Variants in MCHR2 observed in about 807,000 individuals in gnomAD.
The protein encoded by MCHR2 is melanin-concentrating hormone receptor 2.
Under a neutral mutation model 24.8 loss-of-function variants are expected in MCHR2, and 15 were observed. That is an observed-to-expected ratio of 0.60 (90% CI 0.40 to 0.93). MCHR2 has a LOEUF of 0.93. Ranked by LOEUF, MCHR2 falls within the 40% of genes least tolerant of loss-of-function variation. The pLI is 0.00. For missense variants in MCHR2, 386 were observed against 408.7 expected (o/e 0.94, Z 0.48); for synonymous variants, 151 against 147.6 (o/e 1.02, Z -0.17).
At position 99,918,924 on chromosome 6, in the gene MCHR2, G is replaced by A. The variant is rs1774169702; in HGVS notation, c.*2016C>T. On this transcript the variant is annotated 3_prime_UTR_variant, in exon 6 of 6. Transcript: ENST00000281806. ...GGACTGCTACTAGAAAAAGGTCTGT[G>A]GTTTAAAGCTAAGTCTTTAAAATCA... 6.6e-6 allele frequency among the ~76,000 whole-genome samples: 1 copy of A among 152,012 alleles called. No homozygotes were observed. Among genetic ancestry groups the A allele is most frequent in the African/African-American group, 2.4e-5 (1 of 41,380 alleles).
chr6:99,924,847 G>A (rs931055936), intron 5 of MCHR2, among the ~76,000 whole-genome samples: 2 of 152,092 alleles, frequency 1.3e-5, no homozygotes, highest in Non-Finnish European at 2.9e-5. Context: ...AATGATCCAT[G>A]TGCTGAGGAA....
At chr6:99,971,564 C>G (rs1011821793) in intron 1 of MCHR2, among the ~76,000 whole-genome samples, 1 of 152,134 alleles carries the variant, frequency 6.6e-6, no homozygotes, top group African/African-American at 2.4e-5. Context: ...CCTTCTCCTG[C>G]CTCATTGCCC....
In MCHR2 at chr6:99,919,441, G is replaced by C. The variant is rs1774181249; in HGVS notation, c.*1499C>G. On this transcript the variant is annotated 3_prime_UTR_variant, in exon 6 of 6. Coordinates refer to ENST00000281806, the MANE Select transcript of MCHR2 (RefSeq NM_001040179.2). ...GTTAACTCTTTTTCTAGAAGGGGCT[G>C]GTTGAAAATTGGTTTCAGATGTTTA... Among the ~76,000 whole-genome samples, 1 of 152,274 alleles carries C rather than the reference G, an allele frequency of 6.6e-6. No homozygotes were observed. Among genetic ancestry groups the C allele is most frequent in the Non-Finnish European group, 1.5e-5 (1 of 68,014 alleles).
At chr6:99,971,678 C>T (rs973293689) in intron 1 of MCHR2, among the ~76,000 whole-genome samples, 3 of 152,158 alleles carry the variant, frequency 2.0e-5, no homozygotes, top group Non-Finnish European at 2.9e-5. Flanking sequence ...GCCCATTCAA[C>T]ATGATATTTG....
At chr6:99,926,684 T>C (rs1261327713) in intron 5 of MCHR2, among the ~76,000 whole-genome samples, 2 of 152,200 alleles carry the variant, frequency 1.3e-5, no homozygotes, top group Admixed American at 6.5e-5. Flanking sequence ...GATGGGGTTG[T>C]TTGTTTTTTT....
chr6:99,975,696 C>T (rs1775536091), intron 1 of MCHR2, among the ~76,000 whole-genome samples: 1 of 152,234 alleles, frequency 6.6e-6, no homozygotes, highest in Non-Finnish European at 1.5e-5. Context: ...GGAGCTGTTC[C>T]TATTCAGCCA....
At position 99,937,174 on chromosome 6, in the gene MCHR2, C is replaced by G. The variant is rs190295398; in HGVS notation, c.588-2657G>C. 1.5e-3 allele frequency among the ~76,000 whole-genome samples: 233 copies of G among 151,878 alleles called. 1 individual carries two copies. Among genetic ancestry groups the G allele is most frequent in the African/African-American group, 5.5e-3 (227 of 41,486 alleles). On this transcript the variant is annotated intron_variant, in intron 4 of 5. Transcript: ENST00000281806. ...GTGAACAAGGCTATTTGGCTTTTTC[C>G]TTTCCAATTTGAATGCCCATTATTT...
chr6:99,980,291 A>C (rs920718694), intron 1 of MCHR2, among the ~76,000 whole-genome samples: 3 of 152,200 alleles, frequency 2.0e-5, no homozygotes, highest in Non-Finnish European at 2.9e-5. Context: ...AACGTGCTCC[A>C]CTGAATCTGG....
At chr6:99,974,113 C>A (rs1478842106) in intron 1 of MCHR2, among the ~76,000 whole-genome samples, 1 of 152,156 alleles carries the variant, frequency 6.6e-6, no homozygotes, top group Non-Finnish European at 1.5e-5. Context: ...GCCTGCCTTG[C>A]TAGATTGGGG....
intron 1 of MCHR2, among the ~76,000 whole-genome samples, chr6:99,992,842 C>T (rs568428655): frequency 3.8e-4 from 58 of 152,260 alleles, no homozygotes; most frequent in Middle Eastern, 6.8e-3. Flanking sequence ...TAAACATATG[C>T]CTGATCCAAA....
chr6:99,931,614 ACT>A (rs1274610640), intron 5 of MCHR2, among the ~76,000 whole-genome samples: 3 of 151,766 alleles, frequency 2.0e-5, no homozygotes, highest in African/African-American at 7.3e-5. Context: ...AATTAGCGAG[ACT>A]CTGTGGGCGT....
At position 99,943,020 on chromosome 6, in the gene MCHR2, C is replaced by T. The variant is rs140465249; in HGVS notation, c.516G>A (p.Ser172=). The T allele has an allele frequency of 3.2e-5, 51 of 1,612,822 alleles. No individual in the cohort carries two copies. Among genetic ancestry groups the T allele is most frequent in the South Asian group, 1.2e-4 (11 of 90,958 alleles). The change falls in exon 4 of 6, where the codon TCG becomes TCA. Residue 172 remains serine (S), a synonymous_variant. Coordinates refer to ENST00000281806, the MANE Select transcript of MCHR2 (RefSeq NM_001040179.2). ...CACCGTCTTTAAATTTGATGACCTTCGAGTAGACCCAGACAGGCAATGCCA... is the reference window on the plus strand; with the variant it reads ...CACCGTCTTTAAATTTGATGACCTTTGAGTAGACCCAGACAGGCAATGCCA... The part of the protein sequence containing the change: ...FILALPVWVY[S]KVIKFKDGVE...
intron 4 of MCHR2, among the ~76,000 whole-genome samples, chr6:99,942,381 C>T (rs553884344): frequency 2.8e-3 from 422 of 152,296 alleles, no homozygotes; most frequent in Non-Finnish European, 4.8e-3. Context: ...CCTCTGTCTT[C>T]ACCTGTATTC....
intron 3 of MCHR2, among the ~76,000 whole-genome samples, chr6:99,943,885 C>G (rs1489087415): frequency 6.6e-6 from 1 of 152,110 alleles, no homozygotes; most frequent in East Asian, 1.9e-4. Context: ...GAGGAAATAA[C>G]CCTTTTCCCA....
At chr6:99,973,460 T>C (rs1775477709) in intron 1 of MCHR2, among the ~76,000 whole-genome samples, 1 of 152,238 alleles carries the variant, frequency 6.6e-6, no homozygotes, top group Admixed American at 6.5e-5. Context: ...TGTGTGTCTC[T>C]GCATGTGAGA....
At chr6:99,937,348 A>G (rs939245503) in intron 4 of MCHR2, among the ~76,000 whole-genome samples, 1 of 152,090 alleles carries the variant, frequency 6.6e-6, no homozygotes, top group Non-Finnish European at 1.5e-5. Context: ...TAAGTATGTC[A>G]TGTATGCCCT....
chr6:99,967,159 T>TAAA (rs539361872), intron 1 of MCHR2, among the ~76,000 whole-genome samples: 2 of 147,974 alleles, frequency 1.4e-5, no homozygotes, highest in Admixed American at 1.3e-4. Context: ...TTGTTTTTCT[T>TAAA]AAAAAAAAAA....
chr6:99,927,976 T>A (rs1282482281), intron 5 of MCHR2, among the ~76,000 whole-genome samples: 1 of 152,198 alleles, frequency 6.6e-6, no homozygotes, highest in Non-Finnish European at 1.5e-5. Flanking sequence ...TGTGGGTTTG[T>A]CATAGATAGC....
intron 5 of MCHR2, among the ~76,000 whole-genome samples, chr6:99,925,946 T>A (rs988721009): frequency 5.3e-5 from 8 of 151,936 alleles, no homozygotes; most frequent in Non-Finnish European, 7.4e-5. Flanking sequence ...AACTCGTCAT[T>A]TAGCATTAGG....
Sources: gnomAD v4.1 joint callset for allele counts (sites outside exome capture counted in the v4.1 genomes callset) on GRCh38, gnomAD v4.1.1 for gene constraint, MANE v1.5 for transcripts, NCBI Gene and HGNC (gene_info 2026-07-23, HGNC 2026-07-21) for gene names.